Variants in PRKAG2 observed in about 807,000 individuals in gnomAD.
PRKAG2 encodes 5'-AMP-activated protein kinase subunit gamma-2.
PRKAG2 carries 26 observed loss-of-function variants against 69.6 expected under a neutral mutation model. The observed-to-expected ratio is 0.37, with a 90% CI of 0.27 to 0.52. PRKAG2 has a LOEUF of 0.52. Among genes scored for constraint, PRKAG2 ranks in the 20% least tolerant of loss-of-function variants. The pLI, the probability that PRKAG2 is intolerant of heterozygous loss-of-function variation, is 0.90. For synonymous variants in PRKAG2, 293 were observed against 285.0 expected (o/e 1.03, Z -0.28); for missense variants, 557 against 740.0 (o/e 0.75, Z 2.87).
At chr7:151,577,520 A>G (rs1472781964) in intron 6 of PRKAG2, among the ~76,000 whole-genome samples, 2 of 152,368 alleles carry the variant, frequency 1.3e-5, no homozygotes, top group African/African-American at 4.8e-5. Context: ...CTCCTAATAC[A>G]AGGGCTATTA....
intron 3 of PRKAG2, among the ~76,000 whole-genome samples, chr7:151,776,158 G>GCC (rs2076335309): frequency 6.6e-6 from 1 of 152,110 alleles, no homozygotes; most frequent in Non-Finnish European, 1.5e-5. Context: ...GATTCTCAAG[G>GCC]GCACCAACAT....
Position 151,783,912 on chromosome 7 carries a change from C to CAA in PRKAG2, c.187-2483_187-2482dup, listed in dbSNP as rs536105914. Among the ~76,000 whole-genome samples the CAA allele has an allele frequency of 6.4e-3, 185 of 28,918 alleles. 5 individuals are homozygous for CAA. The highest frequency in any genetic ancestry group is 9.0e-3 in the Non-Finnish European group (127 of 14,090). 19.0% of individuals were successfully genotyped at this position (28,918 alleles called of 152,430 possible). A position where few individuals can be genotyped will look rare whatever the true frequency, so the allele number is the denominator to read the frequency against. On this transcript the variant is annotated intron_variant, in intron 2 of 15. Transcript: ENST00000287878. ...TTGGGTACAGAGCAAGACCCTGTCT[C>CAA]AAAAAAAAAAAAAAAAAAAAAAAAA...
intron 3 of PRKAG2, among the ~76,000 whole-genome samples, chr7:151,701,972 C>A (rs116774231): frequency 6.6e-6 from 1 of 152,264 alleles, no homozygotes; most frequent in Admixed American, 6.5e-5. Context: ...GCCTTCTGGC[C>A]GGCAGAACTG....
intron 9 of PRKAG2, among the ~76,000 whole-genome samples, chr7:151,571,052 T>G (rs950553922): frequency 2.7e-5 from 4 of 150,806 alleles, no homozygotes; most frequent in Non-Finnish European, 5.9e-5. Flanking sequence ...ATTACAGGCA[T>G]GAGGTCCTGT....
At chr7:151,770,871 C>T (rs1251059280) in intron 3 of PRKAG2, among the ~76,000 whole-genome samples, 2 of 152,192 alleles carry the variant, frequency 1.3e-5, no homozygotes, top group Non-Finnish European at 2.9e-5. Flanking sequence ...CGCCCCATCC[C>T]CGACTTTAGC....
intron 3 of PRKAG2, among the ~76,000 whole-genome samples, chr7:151,753,916 C>T (rs1044021589): frequency 6.6e-6 from 1 of 152,044 alleles, no homozygotes; most frequent in Non-Finnish European, 1.5e-5. Context: ...CACCTGTAGT[C>T]GCAGCTACTC....
chr7:151,823,644 A>G (rs1283442105), intron 1 of PRKAG2, among the ~76,000 whole-genome samples: 3 of 152,068 alleles, frequency 2.0e-5, no homozygotes, highest in Non-Finnish European at 4.4e-5. Context: ...ATCAGAGGCT[A>G]GGGAGAGACG....
At position 151,557,163 on chromosome 7, in the gene PRKAG2, T is replaced by C. The variant is rs769285955; in HGVS notation, c.*38A>G. 6.2e-7 allele frequency: 1 copy of C among 1,614,150 alleles called. No homozygotes were observed. Among genetic ancestry groups the C allele is most frequent in the Admixed American group, 1.7e-5 (1 of 60,014 alleles). ...GGCAAAACGTGACCCAGAGACTTTGTTCAAGTTCTCCTCCTAGGGCGTCTA... is the reference window on the plus strand; with the variant it reads ...GGCAAAACGTGACCCAGAGACTTTGCTCAAGTTCTCCTCCTAGGGCGTCTA... On this transcript the variant is annotated 3_prime_UTR_variant, in exon 16 of 16. Coordinates refer to ENST00000287878, the MANE Select transcript of PRKAG2 (RefSeq NM_016203.4).
intron 15 of PRKAG2, chr7:151,559,657 T>C: frequency 1.0e-6 from 1 of 985,238 alleles, no homozygotes; most frequent in Non-Finnish European, 1.2e-6. Flanking sequence ...ACAGACTTAA[T>C]TGTAAAAACT....
intron 4 of PRKAG2, among the ~76,000 whole-genome samples, chr7:151,658,612 C>T (rs1027260745): frequency 2.0e-5 from 3 of 152,046 alleles, no homozygotes; most frequent in Admixed American, 6.5e-5. Context: ...AATTATTTGC[C>T]ACCAAATGTG....
intron 1 of PRKAG2, among the ~76,000 whole-genome samples, chr7:151,870,157 G>GATAGATGATAGATAGA (rs1563769271): frequency 1.8e-5 from 2 of 112,620 alleles, no homozygotes; most frequent in African/African-American, 7.5e-5. Context: ...AGATAGATAG[G>GATAGATGATAGATAGA]CAGGCAGGCA....
intron 1 of PRKAG2, among the ~76,000 whole-genome samples, chr7:151,795,927 T>C (rs2077512657): frequency 7.0e-6 from 1 of 143,410 alleles, no homozygotes; most frequent in Non-Finnish European, 1.5e-5. Flanking sequence ...TTATATACAT[T>C]ATATAGAGTT....
intron 5 of PRKAG2, among the ~76,000 whole-genome samples, chr7:151,608,734 AAAAAC>A (rs548770322): frequency 5.6e-4 from 85 of 152,346 alleles, no homozygotes; most frequent in Non-Finnish European, 1.0e-3. Flanking sequence ...ACCAGTATAA[AAAAAC>A]AAAACAAAAC....
intron 4 of PRKAG2, among the ~76,000 whole-genome samples, chr7:151,660,225 A>G (rs1354714509): frequency 1.3e-5 from 2 of 152,222 alleles, no homozygotes; most frequent in Non-Finnish European, 2.9e-5. Flanking sequence ...TAAAAGTGAA[A>G]GGGCAGATTC....
chr7:151,723,210 A>G (rs1213644737), intron 3 of PRKAG2, among the ~76,000 whole-genome samples: 1 of 152,160 alleles, frequency 6.6e-6, no homozygotes, highest in African/African-American at 2.4e-5. Context: ...GGTAAAAGCC[A>G]TAAGTCCCTT....
chr7:151,745,929 C>T (rs570406435), intron 3 of PRKAG2, among the ~76,000 whole-genome samples: 14 of 152,236 alleles, frequency 9.2e-5, no homozygotes, highest in African/African-American at 2.2e-4. Flanking sequence ...AGGGCTCCAG[C>T]GGCAAGAACC....
intron 3 of PRKAG2, among the ~76,000 whole-genome samples, chr7:151,746,836 C>T (rs1197495390): frequency 1.3e-5 from 2 of 152,208 alleles, no homozygotes; most frequent in Non-Finnish European, 2.9e-5. Flanking sequence ...AGCTCCACAC[C>T]TTGGCAGAAC....
intron 1 of PRKAG2, among the ~76,000 whole-genome samples, chr7:151,827,864 G>A (rs1221909031): frequency 2.0e-5 from 3 of 151,306 alleles, no homozygotes; most frequent in Non-Finnish European, 2.9e-5. Flanking sequence ...CGTGGCCTCC[G>A]TCTTGGTGCT....
At chr7:151,733,158 G>A (rs1299294854) in intron 3 of PRKAG2, among the ~76,000 whole-genome samples, 4 of 152,312 alleles carry the variant, frequency 2.6e-5, no homozygotes, top group Middle Eastern at 3.4e-3. Context: ...CAGGGCTCCC[G>A]CCTCCCACCC....
Sources: gnomAD v4.1 joint callset for allele counts (sites outside exome capture counted in the v4.1 genomes callset) on GRCh38, gnomAD v4.1.1 for gene constraint, MANE v1.5 for transcripts, NCBI Gene and HGNC (gene_info 2026-07-23, HGNC 2026-07-21) for gene names.